The following ABCG4 variants were observed in gnomAD, a reference collection of about 807,000 sequenced individuals.
ABCG4 encodes the protein ATP-binding cassette sub-family G member 4.
Under a neutral mutation model 64.6 loss-of-function variants are expected in ABCG4, and 35 were observed. That is an observed-to-expected ratio of 0.54 (90% confidence interval 0.41 to 0.72). The LOEUF (loss-of-function observed/expected upper bound fraction) is 0.72. ABCG4 is among the 30% of genes least tolerant of loss of function. ABCG4 has a pLI of 0.00. For missense variants in ABCG4, 610 were observed against 846.3 expected (o/e 0.72, Z 3.46); for synonymous variants, 326 against 348.2 (o/e 0.94, Z 0.71).
intron 2 of ABCG4, among the ~76,000 whole-genome samples, chr11:119,151,851 G>A (rs977443152): frequency 4.9e-4 from 75 of 152,204 alleles, no homozygotes; most frequent in African/African-American, 1.8e-3. Context: ...TGTGGGACAT[G>A]GGTTCCTAGT....
In ABCG4 at chr11:119,149,826, G is replaced by A; in HGVS notation, c.-12-128G>A. The A allele has an allele frequency of 1.4e-6, 2 of 1,379,764 alleles. No homozygotes were observed. The highest frequency in any genetic ancestry group is 1.9e-6 in the Non-Finnish European group (2 of 1,040,296). 85.5% of individuals were successfully genotyped at this position (1,379,764 alleles called of 1,614,324 possible). A position where few individuals can be genotyped will look rare whatever the true frequency, so the allele number is the denominator to read the frequency against. On this transcript the variant is annotated intron_variant, in intron 1 of 14. Coordinates refer to ENST00000619701, the MANE Select transcript of ABCG4 (RefSeq NM_022169.5). This position sits in a 1 kb window ranked among gnomAD's most constrained non-coding sequence, Gnocchi z 8.3. The stretch of plus-strand genomic sequence containing the variant: ...AGTGGGGGGCGGGGGCAGAGTGCGG[G>A]GCTAACAGTCGCGGATCTGCCCCGA...
At chr11:119,153,773 G>C (rs1248099096) in intron 2 of ABCG4, 19 of 488,038 alleles carry the variant, frequency 3.9e-5, no homozygotes, top group South Asian at 3.2e-4. Flanking sequence ...CATGAGATGT[G>C]TGGATTTTCC....
At position 119,157,061 on chromosome 11, in the gene ABCG4, G is replaced by A. The variant is rs149225612; in HGVS notation, c.1068+47G>A. ...AGAGCAGGCATAGTTGGGGAGGGGA[G>A]ACTGGACCATGGACAGTGGCCCTGC... On this transcript the variant is annotated intron_variant, in intron 9 of 14. Transcript: ENST00000619701. The A allele has an allele frequency of 2.6e-4, 404 of 1,553,916 alleles. 1 individual carries two copies. The East Asian group carries it at 8.6e-3, about 33-fold the overall frequency.
In ABCG4 at chr11:119,160,816, G is replaced by T; in HGVS notation, c.1716-65G>T. On this transcript the variant is annotated intron_variant, in intron 14 of 14. Transcript: ENST00000619701. The surrounding 1 kb of genome is among the most constrained non-coding windows in gnomAD (Gnocchi z 4.6). ...GATGACAGCATTGCAGCTGGGCTCT[G>T]GCAGTTTTCTCAGAGAGCAGGGACC... 4 of 1,554,116 alleles carry T rather than the reference G, an allele frequency of 2.6e-6. No homozygotes were observed. The highest frequency in any genetic ancestry group is 3.5e-6 in the Non-Finnish European group (4 of 1,133,258).
At chr11:119,152,948 G>GT (rs932382201) in intron 2 of ABCG4, 6 of 151,312 alleles carry the variant, frequency 4.0e-5, no homozygotes, top group Non-Finnish European at 8.8e-5. Flanking sequence ...GATTTTTTTT[G>GT]TTTTTCTGTC....
rs771070110 is a variant in ABCG4 at position 119,156,666 on chromosome 11, CCG to C, written c.914_915del (p.Pro305ArgfsTer2). ...CTTGCATTGCCCCACCTACCACAAC[CCG>C]GCTGACTTCAGTGAGTGGGGGTCTG... The part of the protein sequence containing the change: ...LGLHCPTYHN[P>X]ADFIIEVASG... On this transcript the variant is annotated frameshift_variant, in exon 8 of 15. Coordinates refer to ENST00000619701, the MANE Select transcript of ABCG4 (RefSeq NM_022169.5). LOFTEE classifies it high-confidence loss of function. The surrounding 1 kb of genome is among the most constrained non-coding windows in gnomAD (Gnocchi z 5.5). The C allele has an allele frequency of 6.2e-7, 1 of 1,614,148 alleles. No individual in the cohort carries two copies. The highest frequency in any genetic ancestry group is 8.5e-7 in the Non-Finnish European group (1 of 1,180,024).
At position 119,154,856 on chromosome 11, in the gene ABCG4, G is replaced by A. The variant is rs1271735706; in HGVS notation, c.627G>A (p.Leu209=). Residue 209 remains leucine (L), a synonymous_variant, in exon 6 of 15, where the codon CTG becomes CTA. Transcript: ENST00000619701. The surrounding 1 kb of genome is among the most constrained non-coding windows in gnomAD (Gnocchi z 7.0). ...TCTCTGGCGGGCAGAGGAAGCGTCT[G>A]GCCATCGCCCTGGAGCTGGTCAACA... The part of the protein sequence containing the change: ...ALLSGGQRKR[L]AIALELVNNP... 3 of 1,614,092 alleles carry A rather than the reference G, an allele frequency of 1.9e-6. No homozygotes were observed. The highest frequency in any genetic ancestry group is 2.5e-6 in the Non-Finnish European group (3 of 1,179,924).
intron 2 of ABCG4, among the ~76,000 whole-genome samples, chr11:119,151,885 G>A (rs1948196978): frequency 6.6e-6 from 1 of 152,154 alleles, no homozygotes; most frequent in South Asian, 2.1e-4. Flanking sequence ...TGTGACCTTG[G>A]GCAGGCTGCC....
chr11:119,158,415 G>A lies in ABCG4; in HGVS notation c.1167+83G>A, dbSNP rs1948297467. ...GGATCCCAGCAGCTGAAATGGGAATGGGGACCCTCCCTCACAGCCCTGCAA... is the reference window on the plus strand; with the variant it reads ...GGATCCCAGCAGCTGAAATGGGAATAGGGACCCTCCCTCACAGCCCTGCAA... On this transcript the variant is annotated intron_variant, in intron 10 of 14. Coordinates refer to ENST00000619701, the MANE Select transcript of ABCG4 (RefSeq NM_022169.5). The surrounding 1 kb of genome is among the most constrained non-coding windows in gnomAD (Gnocchi z 4.5). 4 of 1,567,410 alleles carry A rather than the reference G, an allele frequency of 2.6e-6. No homozygotes were observed. In the South Asian group the frequency reaches 4.4e-5, roughly 17 times the overall value.
Position 119,150,233 on chromosome 11 carries a change from T to C in ABCG4, c.238+30T>C. The C allele has an allele frequency of 6.2e-7, 1 of 1,600,310 alleles. No homozygotes were observed. Among genetic ancestry groups the C allele is most frequent in the Non-Finnish European group, 8.5e-7 (1 of 1,170,598 alleles). ...GGAACAGCCTGGTAGGGGGAGTCCG[T>C]GGGCCCTCTCTGAGTTGCCTCTCCA... On this transcript the variant is annotated intron_variant, in intron 2 of 14. Transcript: ENST00000619701. The surrounding 1 kb of genome is among the most constrained non-coding windows in gnomAD (Gnocchi z 4.3).
chr11:119,150,243 C>CT lies in ABCG4; in HGVS notation c.238+41dup. On this transcript the variant is annotated intron_variant, in intron 2 of 14. Coordinates refer to ENST00000619701, the MANE Select transcript of ABCG4 (RefSeq NM_022169.5). This position sits in a 1 kb window ranked among gnomAD's most constrained non-coding sequence, Gnocchi z 4.3. ...GGTAGGGGGAGTCCGTGGGCCCTCTCTGAGTTGCCTCTCCAGAAGCATGAG... is the reference window on the plus strand; with the variant it reads ...GGTAGGGGGAGTCCGTGGGCCCTCTCTTGAGTTGCCTCTCCAGAAGCATGAG... The CT allele has an allele frequency of 6.3e-7, 1 of 1,594,076 alleles. No individual in the cohort carries two copies. The highest frequency in any genetic ancestry group is 8.6e-7 in the Non-Finnish European group (1 of 1,167,590).
At chr11:119,153,994 C>T (rs1948228122) in intron 2 of ABCG4, 32 bp from the exon 3 acceptor site, 1 of 1,596,448 alleles carries the variant, frequency 6.3e-7, no homozygotes, top group East Asian at 2.2e-5. Context: ...TCACTGCAGC[C>T]TGACTAAAAA....
Position 119,150,012 on chromosome 11 carries a change from G to C in ABCG4, c.47G>C (p.Gly16Ala). The C allele has an allele frequency of 6.2e-7, 1 of 1,612,290 alleles. No individual in the cohort carries two copies. Among genetic ancestry groups the C allele is most frequent in the Non-Finnish European group, 8.5e-7 (1 of 1,179,978 alleles). ...LEAVGCGLGP[G>A]AVAMAVTLED... ...GCCGTGGGCTGTGGACTAGGGCCGG[G>C]GGCTGTGGCCATGGCCGTGACGCTG... The change falls in exon 2 of 15, where the codon GGG becomes GCG. Residue 16 changes from glycine (G) to alanine (A), a missense_variant. Coordinates refer to ENST00000619701, the MANE Select transcript of ABCG4 (RefSeq NM_022169.5). This position sits in a 1 kb window ranked among gnomAD's most constrained non-coding sequence, Gnocchi z 4.3.
Position 119,160,474 on chromosome 11 carries a change from C to G in ABCG4, c.1597-64C>G. ...CTGGTGCAAGGGTTAGGGTGGAGCT[C>G]TAGGAAACCTGGGTTTGTCCTGGTC... is the stretch of plus-strand genomic sequence containing the variant. On this transcript the variant is annotated intron_variant, in intron 13 of 14. Coordinates refer to ENST00000619701, the MANE Select transcript of ABCG4 (RefSeq NM_022169.5). The surrounding 1 kb of genome is among the most constrained non-coding windows in gnomAD (Gnocchi z 4.6). 6.2e-7 allele frequency: 1 copy of G among 1,608,328 alleles called. No individual in the cohort carries two copies. The highest frequency in any genetic ancestry group is 8.5e-7 in the Non-Finnish European group (1 of 1,178,426).
At chr11:119,152,063 C>T (rs1948199094) in intron 2 of ABCG4, among the ~76,000 whole-genome samples, 1 of 152,224 alleles carries the variant, frequency 6.6e-6, no homozygotes, top group Non-Finnish European at 1.5e-5. Context: ...GGGGAAGGTT[C>T]GTCGTTGCCA....
At position 119,149,667 on chromosome 11, in the gene ABCG4, C is replaced by T. The variant is rs951268352; in HGVS notation, c.-12-287C>T. 39 of 465,284 alleles carry T rather than the reference C, an allele frequency of 8.4e-5. No homozygotes were observed. In the South Asian group the frequency reaches 1.1e-3, roughly 14 times the overall value. 28.8% of individuals were successfully genotyped at this position (465,284 alleles called of 1,614,324 possible). On this transcript the variant is annotated intron_variant, in intron 1 of 14. Coordinates refer to ENST00000619701, the MANE Select transcript of ABCG4 (RefSeq NM_022169.5). This position sits in a 1 kb window ranked among gnomAD's most constrained non-coding sequence, Gnocchi z 8.3. Reference sequence around the variant, plus strand: ...CCCCCGCCCCCTATTCCTTCAGTCCCCAGGGGCTGCTGGCCTGCGGGGTAA... The same window carrying T: ...CCCCCGCCCCCTATTCCTTCAGTCCTCAGGGGCTGCTGGCCTGCGGGGTAA...
chr11:119,150,503 T>C lies in ABCG4; in HGVS notation c.238+300T>C, dbSNP rs570069669. Among the ~76,000 whole-genome samples, 25 of 152,238 alleles carry C rather than the reference T, an allele frequency of 1.6e-4. No homozygotes were observed. In the South Asian group the frequency reaches 1.7e-3, roughly 10 times the overall value. On this transcript the variant is annotated intron_variant, in intron 2 of 14. Coordinates refer to ENST00000619701, the MANE Select transcript of ABCG4 (RefSeq NM_022169.5). This position sits in a 1 kb window ranked among gnomAD's most constrained non-coding sequence, Gnocchi z 4.3. ...TCCTTGATGAGTTTTCCTTCTTTTG[T>C]TTATGGAGGATTCCTACCTGTGAGG...
At position 119,154,316 on chromosome 11, in the gene ABCG4, C is replaced by T. The variant is rs775055244; in HGVS notation, c.413C>T (p.Thr138Ile). 3 of 1,614,208 alleles carry T rather than the reference C, an allele frequency of 1.9e-6. No homozygotes were observed. Among genetic ancestry groups the T allele is most frequent in the Non-Finnish European group, 2.5e-6 (3 of 1,180,042 alleles). ...LVNGRPRELR[T>I]FRKMSCYIMQ... ...AATGGAAGGCCACGGGAGCTGAGGACCTTCCGCAAGATGTCCTGCTACATC... is the reference window on the plus strand; with the variant it reads ...AATGGAAGGCCACGGGAGCTGAGGATCTTCCGCAAGATGTCCTGCTACATC... The change falls in exon 4 of 15, where the codon ACC (threonine) becomes ATC (isoleucine). Residue 138 changes from threonine to isoleucine, a missense_variant. Coordinates refer to ENST00000619701, the MANE Select transcript of ABCG4 (RefSeq NM_022169.5). The surrounding 1 kb of genome is among the most constrained non-coding windows in gnomAD (Gnocchi z 7.0).
Position 119,158,929 on chromosome 11 carries a change from G to A in ABCG4, c.1437G>A (p.Gln479=). Reference sequence around the variant, plus strand: ...AGACCATGGCTGACGTGCCCTTTCAGGTGGGCCTCTTCCTCCCACCTGCCC... The same window carrying A: ...AGACCATGGCTGACGTGCCCTTTCAAGTGGGCCTCTTCCTCCCACCTGCCC... The part of the protein sequence containing the change: ...LAKTMADVPF[Q]VVCPVVYCSI... The change falls in exon 12 of 15, where the codon CAG becomes CAA. Residue 479 remains glutamine, a splice_region_variant and synonymous_variant. Transcript: ENST00000619701. This position sits in a 1 kb window ranked among gnomAD's most constrained non-coding sequence, Gnocchi z 4.5. 1 of 1,614,076 alleles carries A rather than the reference G, an allele frequency of 6.2e-7. No individual in the cohort carries two copies. Among genetic ancestry groups the A allele is most frequent in the South Asian group, 1.1e-5 (1 of 91,082 alleles).
Sources: gnomAD v4.1 joint callset for allele counts (sites outside exome capture counted in the v4.1 genomes callset) on GRCh38, gnomAD v4.1.1 for gene constraint, Gnocchi (gnomAD v3.1) non-coding constraint, MANE v1.5 for transcripts, NCBI Gene and HGNC (gene_info 2026-07-23, HGNC 2026-07-21) for gene names.